Variants in CDH15 observed in about 807,000 individuals in gnomAD.
CDH15 encodes the protein cadherin-15.
CDH15 carries 73 observed loss-of-function variants against 69.4 expected under a neutral mutation model. The ratio of observed to expected loss-of-function variants is 1.05; its 90% CI spans 0.87 to 1.28. The LOEUF is 1.28. CDH15 is among the 50% of genes most tolerant of loss of function. CDH15 has a pLI of 0.00. For synonymous variants in CDH15, 624 were observed against 507.7 expected (o/e 1.23, Z -3.08); for missense variants, 1,343 against 1,133.6 (o/e 1.18, Z -2.65).
Position 89,192,198 on chromosome 16 carries a change from T to C in CDH15, c.1616-7T>C. 6.5e-7 allele frequency: 1 copy of C among 1,528,342 alleles called. No homozygotes were observed. The highest frequency in any genetic ancestry group is 8.7e-7 in the Non-Finnish European group (1 of 1,144,040). 94.7% of individuals were successfully genotyped at this position (1,528,342 alleles called of 1,614,324 possible). ...AGGCCCTCGCTCACCACAGGCGCCC[T>C]CCGCAGTGAGCCACGCGCGCCTGCG... is the stretch of plus-strand genomic sequence containing the variant. On this transcript the variant is annotated splice_polypyrimidine_tract_variant and splice_region_variant and intron_variant, in intron 10 of 13. Coordinates refer to ENST00000289746, the MANE Select transcript of CDH15 (RefSeq NM_004933.3).
In CDH15 at chr16:89,171,772, G is replaced by C; in HGVS notation, c.-60G>C. 2 of 1,505,362 alleles carry C rather than the reference G, an allele frequency of 1.3e-6. No individual in the cohort carries two copies. The highest frequency in any genetic ancestry group is 1.8e-6 in the Non-Finnish European group (2 of 1,125,740). The allele number at this position is 1,505,362 out of a possible 1,614,324, so 93.3% of individuals were successfully genotyped here. A position where few individuals can be genotyped will look rare whatever the true frequency, so the allele number is the denominator to read the frequency against. On this transcript the variant is annotated 5_prime_UTR_variant, in exon 1 of 14. Transcript: ENST00000289746. The stretch of plus-strand genomic sequence containing the variant: ...CCCCGCGCACTTGCGCTGTCACTCA[G>C]CCTGGACGCGCTTCTTCGGGTCGCG...
intron 13 of CDH15, 90 bp from the exon 14 acceptor site, chr16:89,194,772 T>G: frequency 7.4e-7 from 1 of 1,347,068 alleles, no homozygotes; most frequent in Non-Finnish European, 1.0e-6. Context: ...AGCCCGTGCC[T>G]TGAGCTGACT....
Position 89,194,862 on chromosome 16 carries a change from G to A in CDH15, c.2152G>A (p.Gly718Ser). The change falls in exon 14 of 14, where the codon GGC (glycine) becomes AGC (serine). Residue 718 changes from glycine to serine, a missense_variant and splice_region_variant. Transcript: ENST00000289746. ...PLDIADFIND[G>S]LEAADSDPSV... ...TTGAGCTCTCCGGGCCTCTTTATAG[G>A]GCTTGGAGGCTGCAGATAGTGACCC... is the stretch of plus-strand genomic sequence containing the variant. The A allele has an allele frequency of 6.2e-7, 1 of 1,601,926 alleles. No individual in the cohort carries two copies. Among genetic ancestry groups the A allele is most frequent in the Non-Finnish European group, 8.5e-7 (1 of 1,173,846 alleles).
rs770080908 is a variant in CDH15 at position 89,180,974 on chromosome 16, C to CTTTTTTTTTTTTTTTTTTTTTTTTT, written c.357+632_357+633insTTTTTTTTTTTTTTTTTTTTTTTTT. 1.1e-3 allele frequency among the ~76,000 whole-genome samples: 107 copies of CTTTTTTTTTTTTTTTTTTTTTTTTT among 96,948 alleles called. 10 individuals carry two copies. The highest frequency in any genetic ancestry group is 4.2e-3 in the African/African-American group (98 of 23,408). 63.6% of individuals were successfully genotyped at this position (96,948 alleles called of 152,430 possible). A position where few individuals can be genotyped will look rare whatever the true frequency, so the allele number is the denominator to read the frequency against. On this transcript the variant is annotated intron_variant, in intron 3 of 13. Coordinates refer to ENST00000289746, the MANE Select transcript of CDH15 (RefSeq NM_004933.3). ...TCCTGAGTGAGCCACCGCGCCCGAC[C>CTTTTTTTTTTTTTTTTTTTTTTTTT]TTTTTTTTTTTTTGAGATGGAGCTT...
chr16:89,173,134 G>C (rs1208641077), intron 1 of CDH15, among the ~76,000 whole-genome samples: 2 of 152,136 alleles, frequency 1.3e-5, no homozygotes, highest in Admixed American at 6.5e-5. Context: ...GACAGTGGTG[G>C]GGGGAGACAG....
chr16:89,185,219 G>A lies in CDH15; in HGVS notation c.549G>A (p.Glu183=). ...RAEATDADDP[E]TDNAALRFSI... ...AGGCCACAGATGCCGACGACCCCGA[G>A]ACGGACAACGCAGCGCTGCGGTTCT... The change falls in exon 5 of 14, where the codon GAG becomes GAA. Residue 183 remains glutamate, a synonymous_variant. Transcript: ENST00000289746. 1 of 1,606,076 alleles carries A rather than the reference G, an allele frequency of 6.2e-7. No individual in the cohort carries two copies. The highest frequency in any genetic ancestry group is 1.1e-5 in the South Asian group (1 of 89,774).
intron 1 of CDH15, among the ~76,000 whole-genome samples, chr16:89,178,306 C>T (rs1053802149): frequency 9.2e-5 from 14 of 152,206 alleles, no homozygotes; most frequent in Admixed American, 9.2e-4. Flanking sequence ...CTGCACCCCA[C>T]ACTCTGCCCA....
rs746338669 is a variant in CDH15 at position 89,192,392 on chromosome 16, C to A, written c.1803C>A (p.Gly601=). 2 of 1,538,716 alleles carry A rather than the reference C, an allele frequency of 1.3e-6. No homozygotes were observed. Among genetic ancestry groups the A allele is most frequent in the Admixed American group, 1.9e-5 (1 of 51,378 alleles). The change falls in exon 11 of 14, where the codon GGC becomes GGA. Residue 601 remains glycine (G), a synonymous_variant. Transcript: ENST00000289746. ...GAAALLAGGT[G]LSLGALVIVL... ...CAGCGCTGCTGGCGGGGGGCACAGGCCTCAGCCTGGGCGCACTGGTCATCG... is the reference window on the plus strand; with the variant it reads ...CAGCGCTGCTGGCGGGGGGCACAGGACTCAGCCTGGGCGCACTGGTCATCG...
chr16:89,179,558 C>G lies in CDH15; in HGVS notation c.185C>G (p.Pro62Arg). 1 of 1,597,612 alleles carries G rather than the reference C, an allele frequency of 6.3e-7. No homozygotes were observed. Among genetic ancestry groups the G allele is most frequent in the Non-Finnish European group, 8.5e-7 (1 of 1,170,250 alleles). Residue 62 changes from proline to arginine, a missense_variant, in exon 2 of 14, where the codon CCC (proline) becomes CGC (arginine). Pro to Arg is a moderately radical substitution (Grantham distance 103). Transcript: ENST00000289746. Reference protein sequence around the residue: ...ISVSENHKRLPYPLVQIKSDK... With the variant: ...ISVSENHKRLRYPLVQIKSDK... ...GTATCCGAGAACCACAAGCGTCTCC[C>G]CTACCCCCTGGTTCAGGTGAGCAGG...
chr16:89,187,542 G>T lies in CDH15; in HGVS notation c.777G>T (p.Glu259Asp). 6.2e-7 allele frequency: 1 copy of T among 1,613,610 alleles called. No individual in the cohort carries two copies. Among genetic ancestry groups the T allele is most frequent in the Non-Finnish European group, 8.5e-7 (1 of 1,180,044 alleles). The change falls in exon 6 of 14, where the codon GAG (glutamate) becomes GAT (aspartate). Residue 259 changes from glutamate (E) to aspartate (D), a missense_variant. Coordinates refer to ENST00000289746, the MANE Select transcript of CDH15 (RefSeq NM_004933.3). ...ATGACATCAATGACAATGCCCCCGA[G>T]TTCACCAGGGATGAGGTGCTGCTGC... is the stretch of plus-strand genomic sequence containing the variant. ...TLDDINDNAP[E>D]FTRDEFFMEA...
At position 89,194,797 on chromosome 16, in the gene CDH15, G is replaced by C. The variant is rs551179930; in HGVS notation, c.2152-65G>C. Reference sequence around the variant, plus strand: ...TTGAGCTGACTTTGCCCTGGGCTGTGGCCACGGCGGTGGGGCACCCGCTGG... The same window carrying C: ...TTGAGCTGACTTTGCCCTGGGCTGTCGCCACGGCGGTGGGGCACCCGCTGG... On this transcript the variant is annotated intron_variant, in intron 13 of 13. Transcript: ENST00000289746. The C allele has an allele frequency of 4.5e-5, 68 of 1,505,138 alleles. 1 individual carries two copies. The Middle Eastern group carries it at 1.4e-3, about 30-fold the overall frequency. 93.2% of individuals were successfully genotyped at this position (1,505,138 alleles called of 1,614,324 possible). A position where few individuals can be genotyped will look rare whatever the true frequency, so the allele number is the denominator to read the frequency against.
Position 89,192,412 on chromosome 16 carries a change from T to C in CDH15, c.1823T>C (p.Val608Ala). The change falls in exon 11 of 14, where the codon GTC becomes GCC. Residue 608 changes from valine to alanine, a missense_variant. Transcript: ENST00000289746. The part of the protein sequence containing the change: ...GGTGLSLGAL[V>A]IVLASALLLL... ...ACAGGCCTCAGCCTGGGCGCACTGG[T>C]CATCGTGCTGGCCAGCGCCCTCCTG... 6.5e-7 allele frequency: 1 copy of C among 1,546,012 alleles called. No homozygotes were observed. Among genetic ancestry groups the C allele is most frequent in the South Asian group, 1.2e-5 (1 of 85,004 alleles).
rs1369427349 is a variant in CDH15 at position 89,187,560 on chromosome 16, G to T, written c.792+3G>T. The T allele has an allele frequency of 1.2e-6, 2 of 1,613,360 alleles. No individual in the cohort carries two copies. Among genetic ancestry groups the T allele is most frequent in the East Asian group, 4.5e-5 (2 of 44,886 alleles). Reference sequence around the variant, plus strand: ...CCCCCGAGTTCACCAGGGATGAGGTGCTGCTGCTGTCCCTCCCTCGAAAGT... The same window carrying T: ...CCCCCGAGTTCACCAGGGATGAGGTTCTGCTGCTGTCCCTCCCTCGAAAGT... On this transcript the variant is annotated splice_donor_region_variant and intron_variant, in intron 6 of 13. Transcript: ENST00000289746.
At chr16:89,179,135 A>G (rs558465704) in intron 1 of CDH15, among the ~76,000 whole-genome samples, 161 of 152,208 alleles carry the variant, frequency 1.1e-3, no homozygotes, top group Non-Finnish European at 2.0e-3. Flanking sequence ...TGGGCCCAGT[A>G]GGAGACTCGG....
chr16:89,188,716 A>G (rs550802888), intron 7 of CDH15, among the ~76,000 whole-genome samples: 25 of 146,564 alleles, frequency 1.7e-4, no homozygotes, highest in Admixed American at 9.5e-4. Context: ...ATGGCGGCAC[A>G]CACAGATGCC....
At chr16:89,172,008 C>T in intron 1 of CDH15, 135 bp downstream of exon 1, 3 of 903,478 alleles carry the variant, frequency 3.3e-6, no homozygotes, top group East Asian at 2.7e-5. Context: ...AGCGGAGTGG[C>T]TCCGGGTGGG....
chr16:89,193,758 GC>G lies in CDH15; in HGVS notation c.1998del (p.Tyr667ThrfsTer12). The G allele has an allele frequency of 6.2e-7, 1 of 1,603,198 alleles. No individual in the cohort carries two copies. Among genetic ancestry groups the G allele is most frequent in the Non-Finnish European group, 8.5e-7 (1 of 1,178,610 alleles). On this transcript the variant is annotated frameshift_variant, in exon 13 of 14. Transcript: ENST00000289746. LOFTEE classifies it high-confidence loss of function. Reference protein sequence around the residue: ...EQGGGEEDQDAYDISQLRHPT... With the variant: ...EQGGGEEDQDXYDISQLRHPT... ...TGTTCCACCTCCTCGCCCACAGGAC[GC>G]CTACGACATCAGCCAGCTGCGTCAC...
At chr16:89,179,335 A>G in intron 1 of CDH15, 81 bp from the exon 2 acceptor site, 1 of 1,551,972 alleles carries the variant, frequency 6.4e-7, no homozygotes, top group South Asian at 1.1e-5. Context: ...TGGCCTCCTC[A>G]CCACCCACAG....
chr16:89,181,458 A>G (rs1277800655), intron 3 of CDH15, among the ~76,000 whole-genome samples: 1 of 152,064 alleles, frequency 6.6e-6, no homozygotes, highest in African/African-American at 2.4e-5. Context: ...CAAAAGATAA[A>G]ATGGTAAAAC....
Sources: allele counts gnomAD v4.1 joint callset (sites outside exome capture counted in the v4.1 genomes callset), GRCh38; gene constraint gnomAD v4.1.1; transcripts MANE v1.5; gene names NCBI Gene and HGNC (gene_info 2026-07-23, HGNC 2026-07-21).